The following CPLANE2 variants were observed in gnomAD, a reference collection of about 807,000 sequenced individuals.
CPLANE2 encodes ciliogenesis and planar polarity effector complex subunit 2.
Under a neutral mutation model 20.9 loss-of-function variants are expected in CPLANE2, and 24 were observed. The ratio of observed to expected loss-of-function variants is 1.15; its 90% confidence interval spans 0.83 to 1.61. CPLANE2 has a LOEUF of 1.61. CPLANE2 is among the 40% of genes most tolerant of loss of function. The probability of loss-of-function intolerance (pLI) is 0.00; values close to 1 mark genes in which losing one functional copy is unlikely to be tolerated. For synonymous variants in CPLANE2, 132 were observed against 144.3 expected (o/e 0.92, Z 0.61); for missense variants, 330 against 355.1 (o/e 0.93, Z 0.57).
chr1:16,233,611 C>T lies in CPLANE2; in HGVS notation c.265+1G>A. On this transcript the variant is annotated splice_donor_variant, in intron 2 of 4. Coordinates refer to ENST00000375599, the MANE Select transcript of CPLANE2 (RefSeq NM_030907.4). LOFTEE classifies it high-confidence loss of function. The stretch of plus-strand genomic sequence containing the variant: ...GGGCAAAGGATAGAGGTCCCACTCA[C>T]CGGTGGTCTCGTGGTGCACCACAGG... The T allele has an allele frequency of 6.2e-7, 1 of 1,614,028 alleles. No individual in the cohort carries two copies. Among genetic ancestry groups the T allele is most frequent in the Non-Finnish European group, 8.5e-7 (1 of 1,180,004 alleles).
chr1:16,235,811 G>C (rs912336972), intron 1 of CPLANE2, among the ~76,000 whole-genome samples: 2 of 150,902 alleles, frequency 1.3e-5, no homozygotes, highest in Non-Finnish European at 2.9e-5. Flanking sequence ...CTCCCAAGTA[G>C]CTGGGATTAC....
At chr1:16,236,185 T>G (rs561232894) in intron 1 of CPLANE2, among the ~76,000 whole-genome samples, 34 of 152,312 alleles carry the variant, frequency 2.2e-4, no homozygotes, top group African/African-American at 7.5e-4. Flanking sequence ...TGAGTCAGTT[T>G]CACCATGGGG....
chr1:16,231,710 G>A lies in CPLANE2; in HGVS notation c.*338C>T, dbSNP rs2081420141. 1 of 376,434 alleles carries A rather than the reference G, an allele frequency of 2.7e-6. No homozygotes were observed. The highest frequency in any genetic ancestry group is 4.0e-5 in the South Asian group (1 of 25,116). The allele number at this position is 376,434 out of a possible 1,614,324, so 23.3% of individuals were successfully genotyped here. On this transcript the variant is annotated 3_prime_UTR_variant, in exon 5 of 5. Coordinates refer to ENST00000375599, the MANE Select transcript of CPLANE2 (RefSeq NM_030907.4). ...TCTGGAGTTCAGCACTGGGATTTCGGGGTTTATCTGTTACAACAGATGGTG... is the reference window on the plus strand; with the variant it reads ...TCTGGAGTTCAGCACTGGGATTTCGAGGTTTATCTGTTACAACAGATGGTG...
Position 16,236,860 on chromosome 1 carries a change from G to C in CPLANE2, c.-118C>G. 1 of 758,866 alleles carries C rather than the reference G, an allele frequency of 1.3e-6. No homozygotes were observed. Among genetic ancestry groups the C allele is most frequent in the East Asian group, 2.7e-5 (1 of 36,758 alleles). The allele number at this position is 758,866 out of a possible 1,614,324, so 47.0% of individuals were successfully genotyped here. A position where few individuals can be genotyped will look rare whatever the true frequency, so the allele number is the denominator to read the frequency against. Reference sequence around the variant, plus strand: ...CTCTTAACTGCCCTCTGACTCTCCCGGGGGGCCCCAGAAAGTGCAGTCCCT... The same window carrying C: ...CTCTTAACTGCCCTCTGACTCTCCCCGGGGGCCCCAGAAAGTGCAGTCCCT... On this transcript the variant is annotated 5_prime_UTR_variant, in exon 1 of 5. Coordinates refer to ENST00000375599, the MANE Select transcript of CPLANE2 (RefSeq NM_030907.4).
chr1:16,235,530 G>A (rs1478612791), intron 1 of CPLANE2, among the ~76,000 whole-genome samples: 2 of 152,112 alleles, frequency 1.3e-5, no homozygotes, highest in Non-Finnish European at 2.9e-5. Context: ...ATTTTACAGA[G>A]GTGGGACTTG....
chr1:16,236,472 G>A (rs2081466350), intron 1 of CPLANE2, among the ~76,000 whole-genome samples, 159 bp downstream of exon 1: 2 of 152,210 alleles, frequency 1.3e-5, no homozygotes, highest in African/African-American at 2.4e-5. Context: ...GGGTCCCAGA[G>A]CTAGGGCTTT....
intron 1 of CPLANE2, 125 bp from the exon 2 acceptor site, chr1:16,233,889 G>GCC: frequency 1.0e-6 from 1 of 993,912 alleles, no homozygotes; most frequent in Non-Finnish European, 1.5e-6. Flanking sequence ...CTAACACAAG[G>GCC]TGATCAGCTG....
chr1:16,236,136 A>G (rs2081464177), intron 1 of CPLANE2, among the ~76,000 whole-genome samples: 1 of 152,176 alleles, frequency 6.6e-6, no homozygotes, highest in South Asian at 2.1e-4. Context: ...AGCTGATTCC[A>G]GGCACCTCTG....
At position 16,232,130 on chromosome 1, in the gene CPLANE2, T is replaced by C. The variant is rs753243492; in HGVS notation, c.695A>G (p.Asn232Ser). The C allele has an allele frequency of 4.3e-5, 70 of 1,613,500 alleles. No homozygotes were observed. The South Asian group carries it at 5.8e-4, about 13-fold the overall frequency. The change falls in exon 5 of 5, where the codon AAT (asparagine) becomes AGT (serine). Residue 232 changes from asparagine to serine, a missense_variant. Coordinates refer to ENST00000375599, the MANE Select transcript of CPLANE2 (RefSeq NM_030907.4). The part of the protein sequence containing the change: ...AGLADVAHIL[N>S]GLAEQLWHQD... ...GTGCCACAGCTGCTCAGCAAGGCCA[T>C]TGAGTATGTGGGCAACGTCGGCCAG...
chr1:16,236,619 G>A lies in CPLANE2; in HGVS notation c.112+12C>T, dbSNP rs1040655805. On this transcript the variant is annotated intron_variant, in intron 1 of 4. Coordinates refer to ENST00000375599, the MANE Select transcript of CPLANE2 (RefSeq NM_030907.4). ...ACAAGTGGCGGGCTAGAGGAAAGGG[G>A]GAGGCACTTACCAAACACCCGCCGG... is the stretch of plus-strand genomic sequence containing the variant. 1 of 1,541,256 alleles carries A rather than the reference G, an allele frequency of 6.5e-7. No individual in the cohort carries two copies. The highest frequency in any genetic ancestry group is 2.0e-5 in the Admixed American group (1 of 51,108).
intron 2 of CPLANE2, 91 bp from the exon 3 acceptor site, chr1:16,233,108 T>C: frequency 4.2e-6 from 6 of 1,433,550 alleles, no homozygotes; most frequent in Non-Finnish European, 5.8e-6. Flanking sequence ...AAGAGATACA[T>C]CCCTGCCCTG....
At chr1:16,233,313 A>T (rs963498463) in intron 2 of CPLANE2, among the ~76,000 whole-genome samples, 1 of 152,212 alleles carries the variant, frequency 6.6e-6, no homozygotes, top group Non-Finnish European at 1.5e-5. Context: ...ATGTTTCAAC[A>T]TGGTGGAACA....
In CPLANE2 at chr1:16,231,776, G is replaced by C; in HGVS notation, c.*272C>G. On this transcript the variant is annotated 3_prime_UTR_variant, in exon 5 of 5. Transcript: ENST00000375599. Reference sequence around the variant, plus strand: ...CAGGTTCTTGATTGAAGTAACTTGAGAGGCACCCCCTCTCCCAGTCATCCT... The same window carrying C: ...CAGGTTCTTGATTGAAGTAACTTGACAGGCACCCCCTCTCCCAGTCATCCT... 1.8e-6 allele frequency: 1 copy of C among 551,166 alleles called. No individual in the cohort carries two copies. Among genetic ancestry groups the C allele is most frequent in the Non-Finnish European group, 3.2e-6 (1 of 310,136 alleles). 34.1% of individuals were successfully genotyped at this position (551,166 alleles called of 1,614,324 possible).
chr1:16,232,320 A>G, intron 4 of CPLANE2, 23 bp from the exon 5 acceptor site: 1 of 1,590,830 alleles, frequency 6.3e-7, no homozygotes, highest in Non-Finnish European at 8.6e-7. Context: ...CAAGGAGCCT[A>G]ACTGGGTGCC....
intron 1 of CPLANE2, 58 bp from the exon 2 acceptor site, chr1:16,233,822 C>T: frequency 1.3e-6 from 2 of 1,598,186 alleles, no homozygotes; most frequent in Admixed American, 1.7e-5. Flanking sequence ...AAGGTGTCCC[C>T]CAGAGTTCAT....
At chr1:16,233,296 C>T (rs2081439166) in intron 2 of CPLANE2, among the ~76,000 whole-genome samples, 1 of 152,178 alleles carries the variant, frequency 6.6e-6, no homozygotes, top group Non-Finnish European at 1.5e-5. Flanking sequence ...GCCCAGGACG[C>T]TGGGAGATGT....
intron 3 of CPLANE2, 74 bp downstream of exon 3, chr1:16,232,819 T>C (rs897548345): frequency 6.3e-6 from 10 of 1,590,454 alleles, no homozygotes; most frequent in Non-Finnish European, 6.9e-6. Context: ...CTCAGGTCTC[T>C]GAGCAGTGCC....
At chr1:16,233,461 T>C in intron 2 of CPLANE2, 151 bp downstream of exon 2, 2 of 915,212 alleles carry the variant, frequency 2.2e-6, no homozygotes, top group Non-Finnish European at 3.4e-6. Flanking sequence ...GTGGTACTAT[T>C]ATCCCCTTGG....
At chr1:16,232,775 G>A in intron 3 of CPLANE2, 118 bp downstream of exon 3, 1 of 1,562,906 alleles carries the variant, frequency 6.4e-7, no homozygotes, top group South Asian at 1.2e-5. Flanking sequence ...CTGGTCCTAG[G>A]ACAAGCATGG....
Sources: allele counts gnomAD v4.1 joint callset (sites outside exome capture counted in the v4.1 genomes callset), GRCh38; gene constraint gnomAD v4.1.1; transcripts MANE v1.5; gene names NCBI Gene and HGNC (gene_info 2026-07-23, HGNC 2026-07-21).